RYR1: variants seen among roughly 807,000 people sequenced by gnomAD.
The protein encoded by RYR1 is ryanodine receptor 1, also known as central core disease of muscle.
RYR1 carries 342 observed loss-of-function variants against 583.5 expected under a neutral mutation model. The observed-to-expected ratio is 0.59, with a 90% CI of 0.54 to 0.64. The LOEUF (loss-of-function observed/expected upper bound fraction) is 0.64. Among genes scored for constraint, RYR1 ranks in the 30% least tolerant of loss-of-function variants. The pLI, the probability that RYR1 is intolerant of heterozygous loss-of-function variation, is 0.00. For missense variants in RYR1, 6,032 were observed against 6,917.2 expected (o/e 0.87, Z 4.54); for synonymous variants, 2,791 against 2,822.5 (o/e 0.99, Z 0.35).
chr19:38,554,992 C>T (rs1972818484), intron 89 of RYR1, among the ~76,000 whole-genome samples: 2 of 152,116 alleles, frequency 1.3e-5, no homozygotes, highest in African/African-American at 2.4e-5. Flanking sequence ...GAAGCCATCC[C>T]TGCAATCTAA....
intron 67 of RYR1, among the ~76,000 whole-genome samples, chr19:38,519,812 A>C (rs1238607789): frequency 6.6e-6 from 1 of 151,802 alleles, no homozygotes; most frequent in Non-Finnish European, 1.5e-5. Flanking sequence ...CCCAGTAGCT[A>C]GGATTACAGG....
At chr19:38,438,767 C>T (rs940418146) in intron 1 of RYR1, among the ~76,000 whole-genome samples, 6 of 151,642 alleles carry the variant, frequency 4.0e-5, no homozygotes, top group Middle Eastern at 3.4e-3. Flanking sequence ...TACAGGCGCC[C>T]GCCACCACAC....
At chr19:38,437,020 C>A (rs1972457297) in intron 1 of RYR1, among the ~76,000 whole-genome samples, 1 of 151,880 alleles carries the variant, frequency 6.6e-6, no homozygotes, top group South Asian at 2.1e-4. Context: ...ATATTTTTAA[C>A]CAGAACCCTC....
rs1447899418 is a variant in RYR1 at position 38,506,564 on chromosome 19, G to A, written c.8692+18G>A. On this transcript the variant is annotated intron_variant, in intron 56 of 105. Transcript: ENST00000359596. The stretch of plus-strand genomic sequence containing the variant: ...AGCCAAAGGTGAGGGCGCCCATGCC[G>A]CCCCCACGCTACCCCCGTGGATTCA... 1.9e-6 allele frequency: 3 copies of A among 1,613,008 alleles called. No individual in the cohort carries two copies. The highest frequency in any genetic ancestry group is 2.5e-6 in the Non-Finnish European group (3 of 1,179,436).
intron 60 of RYR1, among the ~76,000 whole-genome samples, chr19:38,511,074 T>C (rs1970706023): frequency 6.6e-6 from 1 of 152,076 alleles, no homozygotes; most frequent in Non-Finnish European, 1.5e-5. Context: ...GGTGGGAAGA[T>C]CACTTGAAGC....
intron 3 of RYR1, among the ~76,000 whole-genome samples, chr19:38,443,155 G>A (rs902183295): frequency 2.0e-5 from 3 of 152,262 alleles, no homozygotes; most frequent in East Asian, 3.9e-4. Context: ...CAGAGCACAC[G>A]GGCTGCAGCG....
chr19:38,496,197 C>T lies in RYR1; in HGVS notation c.6549-18C>T. ...GACCTGGGCCCCTGGTGACCCCGCA[C>T]ACTCTGCCCGTGCACAGGAACATCA... is the stretch of plus-strand genomic sequence containing the variant. On this transcript the variant is annotated intron_variant, in intron 39 of 105. Transcript: ENST00000359596. The surrounding 1 kb of genome is among the most constrained non-coding windows in gnomAD (Gnocchi z 4.8). 6.2e-7 allele frequency: 1 copy of T among 1,609,406 alleles called. No homozygotes were observed. The highest frequency in any genetic ancestry group is 8.5e-7 in the Non-Finnish European group (1 of 1,176,972).
chr19:38,576,385 G>A (rs948769620), intron 97 of RYR1, among the ~76,000 whole-genome samples: 4 of 152,152 alleles, frequency 2.6e-5, no homozygotes, highest in Non-Finnish European at 5.9e-5. Context: ...GGAGGCAGAA[G>A]TTGCAGTGAG....
intron 27 of RYR1, 84 bp from the exon 28 acceptor site, chr19:38,473,293 G>A: frequency 6.5e-7 from 1 of 1,527,688 alleles, no homozygotes; most frequent in Non-Finnish European, 9.1e-7. Context: ...GCCTAATGGT[G>A]GCTCCGTGTG....
At chr19:38,564,299 A>G (rs1014549070) in intron 90 of RYR1, among the ~76,000 whole-genome samples, 2 of 152,064 alleles carry the variant, frequency 1.3e-5, no homozygotes, top group South Asian at 2.1e-4. Context: ...TGAGGCGGGC[A>G]GATCACTTGA....
Position 38,577,945 on chromosome 19 carries a change from G to C in RYR1, c.14200G>C (p.Gly4734Arg), listed in dbSNP as rs1456212776. The C allele has an allele frequency of 6.2e-7, 1 of 1,613,946 alleles. No individual in the cohort carries two copies. The highest frequency in any genetic ancestry group is 8.5e-7 in the Non-Finnish European group (1 of 1,180,020). ...KVLDKHGDIYGRERIAELLGM... is the reference protein window; with the variant it reads ...KVLDKHGDIYRRERIAELLGM... ...CCTGGACAAACATGGGGACATCTACGGGCGGGAGCGGATTGCTGAGCTACT... is the reference window on the plus strand; with the variant it reads ...CCTGGACAAACATGGGGACATCTACCGGCGGGAGCGGATTGCTGAGCTACT... The change falls in exon 98 of 106, where the codon GGG becomes CGG. Residue 4734 changes from glycine to arginine, a missense_variant. Around this residue, in one of 11 missense-constraint regions of RYR1, gnomAD observed 188 missense variants for 215.6 expected, o/e 0.87. Transcript: ENST00000359596.
intron 89 of RYR1, among the ~76,000 whole-genome samples, chr19:38,554,221 G>A (rs1343786694): frequency 6.7e-6 from 1 of 150,108 alleles, no homozygotes; most frequent in Non-Finnish European, 1.5e-5. Flanking sequence ...AGAGGCTGAG[G>A]CATGTGGATC....
At chr19:38,523,855 G>A (rs1568535801) in intron 69 of RYR1, 60 bp from the exon 70 acceptor site, 1 of 1,612,952 alleles carries the variant, frequency 6.2e-7, no homozygotes, top group East Asian at 2.2e-5. Context: ...AGTTGGGCCT[G>A]GGCTTCTCTG....
intron 87 of RYR1, 94 bp from the exon 88 acceptor site, chr19:38,546,351 T>G: frequency 9.5e-7 from 1 of 1,052,054 alleles, no homozygotes; most frequent in Non-Finnish European, 1.5e-6. Context: ...AGAAAACGGG[T>G]TTAGGCCCTG....
intron 101 of RYR1, among the ~76,000 whole-genome samples, chr19:38,580,812 A>G (rs1235312840): frequency 6.6e-6 from 1 of 151,608 alleles, no homozygotes; most frequent in Non-Finnish European, 1.5e-5. Context: ...GGGCCACTAC[A>G]CTCCATCCTG....
intron 13 of RYR1, among the ~76,000 whole-genome samples, chr19:38,453,276 C>T (rs1967185859): frequency 7.1e-6 from 1 of 141,658 alleles, no homozygotes; most frequent in South Asian, 2.3e-4. Flanking sequence ...GACCAGGGGG[C>T]GGGGCCTGGA....
At chr19:38,562,199 C>T (rs1042151513) in intron 90 of RYR1, among the ~76,000 whole-genome samples, 2 of 152,250 alleles carry the variant, frequency 1.3e-5, no homozygotes, top group African/African-American at 4.8e-5. Context: ...TCAGGCTCAC[C>T]CAGAAGAGCC....
intron 97 of RYR1, 44 bp from the exon 98 acceptor site, chr19:38,577,874 C>T: frequency 6.2e-7 from 1 of 1,612,950 alleles, no homozygotes; most frequent in Non-Finnish European, 8.5e-7. Context: ...GACACACACC[C>T]ACACTCCAGC....
intron 102 of RYR1, 105 bp from the exon 103 acceptor site, chr19:38,585,833 A>C: frequency 7.5e-7 from 1 of 1,337,110 alleles, no homozygotes; most frequent in Non-Finnish European, 1.1e-6. Flanking sequence ...GGGTGAGATT[A>C]GGGAAATGGG....
Sources: gnomAD v4.1 joint callset for allele counts (sites outside exome capture counted in the v4.1 genomes callset) on GRCh38, gnomAD v4.1.1 for gene constraint, gnomAD v4.1.1 regional missense constraint, Gnocchi (gnomAD v3.1) non-coding constraint, MANE v1.5 for transcripts, NCBI Gene and HGNC (gene_info 2026-07-23, HGNC 2026-07-21) for gene names.